The following MTERF4 variants were observed in gnomAD, a reference collection of about 807,000 sequenced individuals.
The protein encoded by MTERF4 is transcription termination factor 4, mitochondrial.
A neutral mutation model predicts 22.5 loss-of-function variants in MTERF4; 17 were observed. The observed-to-expected ratio is 0.75, with a 90% CI of 0.52 to 1.13. The LOEUF (loss-of-function observed/expected upper bound fraction) is 1.13, where lower values mean the gene tolerates loss of function less well. MTERF4 is among the 50% of genes most tolerant of loss of function. The probability of loss-of-function intolerance (pLI) is 0.00; values close to 1 mark genes in which losing one functional copy is unlikely to be tolerated. For missense variants in MTERF4, 420 were observed against 466.8 expected (o/e 0.90, Z 0.92); for synonymous variants, 165 against 175.3 (o/e 0.94, Z 0.47).
In MTERF4 at chr2:241,096,154, G is replaced by A. The variant is rs112378562; in HGVS notation, c.990C>T (p.Ser330=). 6.2e-7 allele frequency: 1 copy of A among 1,613,998 alleles called. No homozygotes were observed. Among genetic ancestry groups the A allele is most frequent in the Non-Finnish European group, 8.5e-7 (1 of 1,180,010 alleles). ...GACTTGCCCTTTTGTCATCAGATGT[G>A]CTGCTCTCAGACTCCTCCTCCTCCC... is the stretch of plus-strand genomic sequence containing the variant. ...LAREEEESES[S]TSDDKRASLD... The change falls in exon 4 of 4, where the codon AGC becomes AGT. Residue 330 remains serine, a synonymous_variant. Coordinates refer to ENST00000391980, the MANE Select transcript of MTERF4 (RefSeq NM_182501.4). The surrounding 1 kb of genome is among the most constrained non-coding windows in gnomAD (Gnocchi z 5.1).
At chr2:241,049,762 C>T in the MTERF4 span, 42 of 1,414,136 alleles carry the variant, frequency 3.0e-5, no homozygotes, top group South Asian at 1.5e-4. Context: ...AGCCTCTTGC[C>T]GCCCGCACAG....
At chr2:241,082,315 T>C (rs778680870), downstream of MTERF4, 1 of 1,613,644 alleles carries the variant, frequency 6.2e-7, no homozygotes, top group Non-Finnish European at 8.5e-7. Context: ...AAGGCTGTTC[T>C]CCGAGACAAA....
At chr2:241,078,344 C>T (rs542476500) in intron 4 of MTERF4, among the ~76,000 whole-genome samples, 2 of 145,462 alleles carry the variant, frequency 1.4e-5, no homozygotes, top group South Asian at 2.1e-4. Context: ...GATCGCGCCA[C>T]TGCACTGCAG....
chr2:241,086,097 C>T (rs2063560433), downstream of MTERF4, among the ~76,000 whole-genome samples: 1 of 152,068 alleles, frequency 6.6e-6, no homozygotes. Flanking sequence ...AAACTCCTGA[C>T]CTCAAGTGAT....
In MTERF4 at chr2:241,102,259, G is replaced by T; in HGVS notation, c.15C>A (p.Gly5=). 1.3e-6 allele frequency: 2 copies of T among 1,549,378 alleles called. No homozygotes were observed. The highest frequency in any genetic ancestry group is 1.7e-6 in the Non-Finnish European group (2 of 1,146,112). ...GCGCCCAGCTCGAGCTTACCTGACG[G>T]CCGAACGCAGCCATAGCGCGGAGAA... MAAF[G]RQVLDWHRLI... The change falls in exon 1 of 4, where the codon GGC becomes GGA. Residue 5 remains glycine, a synonymous_variant. Transcript: ENST00000391980.
At chr2:241,070,089 C>T (rs2062632493), downstream of MTERF4, 1 of 1,612,970 alleles carries the variant, frequency 6.2e-7, no homozygotes, top group African/African-American at 1.3e-5. Context: ...TGGCGTCCTA[C>T]ACGGTGCGCG....
At chr2:241,078,339 C>T (rs1301394429) in intron 4 of MTERF4, among the ~76,000 whole-genome samples, 5 of 147,890 alleles carry the variant, frequency 3.4e-5, no homozygotes, top group Non-Finnish European at 5.9e-5. Flanking sequence ...GGTGAGATCG[C>T]GCCACTGCAC....
At chr2:241,054,297 A>G in the MTERF4 span, among the ~76,000 whole-genome samples, 1 of 152,248 alleles carries the variant, frequency 6.6e-6, no homozygotes, top group Non-Finnish European at 1.5e-5. Context: ...TCAGAAAACA[A>G]TAATAAAAGT....
downstream of MTERF4, chr2:241,069,002 G>A (rs138901734): frequency 2.3e-5 from 35 of 1,552,776 alleles, no homozygotes; most frequent in African/African-American, 8.2e-5. This position sits in a 1 kb window ranked among gnomAD's most constrained non-coding sequence, Gnocchi z 4.9. Context: ...CCTGGCCACC[G>A]CGCCGACGCA....
chr2:241,071,494 G>C (rs1274104731), downstream of MTERF4: 1 of 1,484,916 alleles, frequency 6.7e-7, no homozygotes, highest in East Asian at 2.5e-5. Context: ...CTGAGTGTGA[G>C]GGGCACCACC....
the MTERF4 span, chr2:241,048,999 G>A: frequency 6.3e-7 from 1 of 1,579,700 alleles, no homozygotes; most frequent in East Asian, 2.3e-5. Context: ...AATATGGGAT[G>A]GGGCTTCCTC....
chr2:241,054,194 C>T, the MTERF4 span, among the ~76,000 whole-genome samples: 1 of 152,148 alleles, frequency 6.6e-6, no homozygotes. Flanking sequence ...GCTACTTCCC[C>T]ACCTATATGT....
chr2:241,099,234 C>G (rs2064592321), intron 2 of MTERF4, 162 bp downstream of exon 2: 3 of 748,354 alleles, frequency 4.0e-6, no homozygotes, highest in Admixed American at 3.0e-5. Flanking sequence ...GCCACCAAGC[C>G]CAGCTAATTT....
At chr2:241,055,362 A>G in the MTERF4 span, among the ~76,000 whole-genome samples, 1 of 152,182 alleles carries the variant, frequency 6.6e-6, no homozygotes, top group Non-Finnish European at 1.5e-5. Context: ...AAACAGAAAA[A>G]GTTTTAACTT....
chr2:241,064,355 A>T, the MTERF4 span, among the ~76,000 whole-genome samples: 9 of 151,936 alleles, frequency 5.9e-5, no homozygotes, highest in African/African-American at 1.9e-4. The surrounding 1 kb of genome is among the most constrained non-coding windows in gnomAD (Gnocchi z 7.0). Context: ...CTCACCCCCC[A>T]GACACCCCTC....
At chr2:241,102,142 C>T (rs1278350481) in intron 1 of MTERF4, 111 bp downstream of exon 1, 1 of 1,477,008 alleles carries the variant, frequency 6.8e-7, no homozygotes, top group Non-Finnish European at 9.2e-7. Flanking sequence ...GCACGGACCT[C>T]CGGGAGGGCT....
Position 241,096,180 on chromosome 2 carries a change from G to A in MTERF4, c.964C>T (p.Arg322Trp), listed in dbSNP as rs376613445. 6.3e-5 allele frequency: 102 copies of A among 1,613,920 alleles called. No individual in the cohort carries two copies. Among genetic ancestry groups the A allele is most frequent in the East Asian group, 1.8e-4 (8 of 44,880 alleles). Reference sequence around the variant, plus strand: ...CTGCTCTCAGACTCCTCCTCCTCCCGAGCCAGGAGCTTCTTAAAAACTTGA... The same window carrying A: ...CTGCTCTCAGACTCCTCCTCCTCCCAAGCCAGGAGCTTCTTAAAAACTTGA... Reference protein sequence around the residue: ...EFQVFKKLLAREEEESESSTS... With the variant: ...EFQVFKKLLAWEEEESESSTS... The change falls in exon 4 of 4, where the codon CGG becomes TGG. Residue 322 changes from arginine (R) to tryptophan (W), a missense_variant. Coordinates refer to ENST00000391980, the MANE Select transcript of MTERF4 (RefSeq NM_182501.4). This position sits in a 1 kb window ranked among gnomAD's most constrained non-coding sequence, Gnocchi z 5.1.
chr2:241,051,503 A>G, the MTERF4 span: 1 of 403,818 alleles, frequency 2.5e-6, no homozygotes, highest in Non-Finnish European at 4.4e-6. This position sits in a 1 kb window ranked among gnomAD's most constrained non-coding sequence, Gnocchi z 4.7. Context: ...CCTGGGCAGA[A>G]AAGAGGACAG....
At chr2:241,091,516 G>T (rs10168882), downstream of MTERF4, 1 of 150,724 alleles carries the variant, frequency 6.6e-6, no homozygotes, top group Non-Finnish European at 1.5e-5. This position sits in a 1 kb window ranked among gnomAD's most constrained non-coding sequence, Gnocchi z 4.1. Flanking sequence ...CTCTAAGAAC[G>T]TGGGGTCCTC....
Sources: gnomAD v4.1 joint callset for allele counts (sites outside exome capture counted in the v4.1 genomes callset) on GRCh38, gnomAD v4.1.1 for gene constraint, Gnocchi (gnomAD v3.1) non-coding constraint, MANE v1.5 for transcripts, NCBI Gene and HGNC (gene_info 2026-07-23, HGNC 2026-07-21) for gene names.